The following SPECC1L variants were observed in gnomAD, a reference collection of about 807,000 sequenced individuals.
SPECC1L encodes cytospin-A.
A neutral mutation model predicts 116.8 loss-of-function variants in SPECC1L; 40 were observed. The observed-to-expected ratio is 0.34, with a 90% CI of 0.27 to 0.45. The LOEUF (loss-of-function observed/expected upper bound fraction) is 0.45, where lower values mean the gene tolerates loss of function less well. SPECC1L is among the 20% of genes least tolerant of loss of function. The probability of loss-of-function intolerance (pLI) is 1.00; values close to 1 mark genes in which losing one functional copy is unlikely to be tolerated. For missense variants in SPECC1L, 1,110 were observed against 1,373.6 expected (o/e 0.81, Z 3.03); for synonymous variants, 504 against 500.6 (o/e 1.01, Z -0.09).
At chr22:24,342,007 G>A (rs751202055) in intron 10 of SPECC1L, among the ~76,000 whole-genome samples, 5 of 152,162 alleles carry the variant, frequency 3.3e-5, no homozygotes, top group Non-Finnish European at 5.9e-5. Context: ...GAGGCACTCC[G>A]CTAAGCTTTC....
chr22:24,282,139 A>G (rs1449761199), intron 2 of SPECC1L, among the ~76,000 whole-genome samples: 1 of 152,190 alleles, frequency 6.6e-6, no homozygotes, highest in African/African-American at 2.4e-5. Context: ...TGAGCCAGTT[A>G]ATCGATCTGG....
intron 4 of SPECC1L, among the ~76,000 whole-genome samples, chr22:24,317,738 G>A (rs532880616): frequency 3.3e-5 from 5 of 149,880 alleles, no homozygotes; most frequent in South Asian, 4.2e-4. Context: ...GGTGGCTGCC[G>A]GGCGGAGGGG....
At chr22:24,330,631 C>G (rs1409610884) in intron 8 of SPECC1L, among the ~76,000 whole-genome samples, 200 bp downstream of exon 8, 1 of 152,144 alleles carries the variant, frequency 6.6e-6, no homozygotes, top group African/African-American at 2.4e-5. Flanking sequence ...TCAGAGTTGT[C>G]AGTATCAGTG....
At chr22:24,414,313 C>T (rs1365366215) in intron 16 of SPECC1L, among the ~76,000 whole-genome samples, 1 of 152,166 alleles carries the variant, frequency 6.6e-6, no homozygotes, top group Admixed American at 6.5e-5. Context: ...AGCAGGGAGG[C>T]ACCTTGCCTG....
intron 2 of SPECC1L, among the ~76,000 whole-genome samples, chr22:24,301,521 TAGAC>T (rs1326750759): frequency 2.6e-5 from 4 of 152,180 alleles, no homozygotes; most frequent in East Asian, 1.9e-4. Context: ...AGTCTACAGT[TAGAC>T]AGAATCATCT....
chr22:24,285,464 G>A (rs2049022649), intron 2 of SPECC1L, among the ~76,000 whole-genome samples: 1 of 152,128 alleles, frequency 6.6e-6, no homozygotes, highest in Non-Finnish European at 1.5e-5. Flanking sequence ...GGAGTTGTTA[G>A]CATTTGAACG....
At chr22:24,383,792 A>AATTT (rs2042105646) in intron 14 of SPECC1L, among the ~76,000 whole-genome samples, 1 of 77,338 alleles carries the variant, frequency 1.3e-5, no homozygotes. Context: ...ACCCACCACT[A>AATTT]TTTTTTTTTT....
In SPECC1L at chr22:24,321,353, A is replaced by G. The variant is rs1224334280; in HGVS notation, c.373A>G (p.Arg125Gly). Residue 125 changes from arginine (R) to glycine (G), a missense_variant, in exon 5 of 17, where the codon AGA becomes GGA. Arg to Gly is a moderately radical substitution (Grantham distance 125). This residue lies in a region of SPECC1L where 437 missense variants were observed against 482.6 expected (regional missense o/e 0.91). Coordinates refer to ENST00000314328, the MANE Select transcript of SPECC1L (RefSeq NM_015330.6). ...TAAAGAATCCAGTTCTACTAGAGAA[A>G]GATTACGTGAACGTACCCGATTAAA... ...GNKESSSTRE[R>G]LRERTRLNQS... is the part of the protein sequence containing the mutation. 5 of 1,614,164 alleles carry G rather than the reference A, an allele frequency of 3.1e-6. No individual in the cohort carries two copies. The Admixed American group carries it at 8.3e-5, about 27-fold the overall frequency.
chr22:24,305,217 G>A (rs1386646678), intron 3 of SPECC1L, among the ~76,000 whole-genome samples: 1 of 152,164 alleles, frequency 6.6e-6, no homozygotes, highest in Non-Finnish European at 1.5e-5. Flanking sequence ...ACAAAACACA[G>A]GTGTTGAGTT....
chr22:24,346,069 C>A (rs897382330), intron 10 of SPECC1L, among the ~76,000 whole-genome samples: 1 of 150,946 alleles, frequency 6.6e-6, no homozygotes, highest in Non-Finnish European at 1.5e-5. Flanking sequence ...TGCAGTGGCG[C>A]GATCTCGGCT....
chr22:24,376,719 C>A (rs888511998), intron 14 of SPECC1L, among the ~76,000 whole-genome samples: 5 of 152,030 alleles, frequency 3.3e-5, no homozygotes, highest in African/African-American at 1.2e-4. Context: ...TGAAAAGTCT[C>A]AAGTTTTGTT....
chr22:24,300,291 C>T (rs1247428289), intron 2 of SPECC1L, among the ~76,000 whole-genome samples: 1 of 152,156 alleles, frequency 6.6e-6, no homozygotes, highest in Non-Finnish European at 1.5e-5. Context: ...CATCCATGTC[C>T]CTCCAAAGGA....
chr22:24,381,995 G>C (rs1235147407), intron 14 of SPECC1L, among the ~76,000 whole-genome samples: 1 of 151,398 alleles, frequency 6.6e-6, no homozygotes, highest in Admixed American at 6.6e-5. Flanking sequence ...TCTATTCTCA[G>C]GAAGTTTATA....
chr22:24,355,486 T>C (rs577479926), intron 11 of SPECC1L, among the ~76,000 whole-genome samples: 8 of 151,968 alleles, frequency 5.3e-5, no homozygotes, highest in Admixed American at 2.0e-4. Flanking sequence ...TACCTACCTA[T>C]CTAACTATCT....
chr22:24,323,670 A>G lies in SPECC1L; in HGVS notation c.1939-550A>G, dbSNP rs532919584. Among the ~76,000 whole-genome samples, 7 of 152,308 alleles carry G rather than the reference A, an allele frequency of 4.6e-5. No individual in the cohort carries two copies. In the South Asian group the frequency reaches 1.0e-3, roughly 23 times the overall value. ...CAATGATTTTAAAATAAATTTTCAT[A>G]TATCTTTGGCTAAAATTTGAGTAAT... On this transcript the variant is annotated intron_variant, in intron 5 of 16. Coordinates refer to ENST00000314328, the MANE Select transcript of SPECC1L (RefSeq NM_015330.6).
chr22:24,309,648 C>T (rs1169279319), intron 3 of SPECC1L, among the ~76,000 whole-genome samples: 1 of 152,134 alleles, frequency 6.6e-6, no homozygotes, highest in African/African-American at 2.4e-5. Flanking sequence ...ATCTACCCAC[C>T]TTGTCCTCCC....
At chr22:24,408,591 C>A (rs185878772) in intron 14 of SPECC1L, among the ~76,000 whole-genome samples, 2 of 152,382 alleles carry the variant, frequency 1.3e-5, no homozygotes. Context: ...CCACCTTCCC[C>A]TGCGACTCTT....
chr22:24,305,518 C>A (rs1350686843), intron 3 of SPECC1L, among the ~76,000 whole-genome samples: 3 of 147,822 alleles, frequency 2.0e-5, no homozygotes. Flanking sequence ...GGTTAGTAAT[C>A]CATGGGATGA....
intron 14 of SPECC1L, among the ~76,000 whole-genome samples, chr22:24,394,875 G>T (rs2042337428): frequency 6.6e-6 from 1 of 152,166 alleles, no homozygotes; most frequent in South Asian, 2.1e-4. Context: ...CTGTCACCCA[G>T]GCTGGAGTGC....
Sources: allele counts gnomAD v4.1 joint callset (sites outside exome capture counted in the v4.1 genomes callset), GRCh38; gene constraint gnomAD v4.1.1; regional missense constraint gnomAD v4.1.1; transcripts MANE v1.5; gene names NCBI Gene and HGNC (gene_info 2026-07-23, HGNC 2026-07-21).